IL1RAP: variants seen among roughly 807,000 people sequenced by gnomAD.
IL1RAP encodes interleukin 1 receptor accessory protein.
A neutral mutation model predicts 60.7 loss-of-function variants in IL1RAP; 35 were observed. The ratio of observed to expected loss-of-function variants is 0.58; its 90% confidence interval spans 0.44 to 0.76. IL1RAP has a LOEUF of 0.76. Among genes scored for constraint, IL1RAP ranks in the 30% least tolerant of loss-of-function variants. The pLI is 0.00. For synonymous variants in IL1RAP, 268 were observed against 250.9 expected (o/e 1.07, Z -0.64); for missense variants, 572 against 693.9 (o/e 0.82, Z 1.97).
rs144527768 is a variant in IL1RAP at position 190,641,609 on chromosome 3, T to C, written c.1052-2639T>C. On this transcript the variant is annotated intron_variant, in intron 9 of 11. Transcript: ENST00000447382. ...CCATTAGAAATAAAATGGGCAGTAG[T>C]AAAATGAATGAGGCAGGGGAAATTT... 4.6e-3 allele frequency among the ~76,000 whole-genome samples: 695 copies of C among 152,230 alleles called. 5 individuals are homozygous for C. The highest frequency in any genetic ancestry group is 0.015 in the African/African-American group (643 of 41,542).
At chr3:190,658,940 C>T (rs1438340390) in exon 12 of IL1RAP, 1 of 152,150 alleles carries the variant, frequency 6.6e-6, no homozygotes, top group Non-Finnish European at 1.5e-5. Context: ...ACCCAAAGGC[C>T]TTGTCCTCTA....
chr3:190,572,859 G>GTTTTT (rs1200775636), intron 3 of IL1RAP, among the ~76,000 whole-genome samples: 6,289 of 38,870 alleles, frequency 0.16, 2,160 homozygotes, highest in East Asian at 0.24. Context: ...TTAATGCTTT[G>GTTTTT]TTTTTTTTTT....
At chr3:190,515,182 G>A (rs1402279190) in intron 1 of IL1RAP, among the ~76,000 whole-genome samples, 1 of 151,710 alleles carries the variant, frequency 6.6e-6, no homozygotes, top group African/African-American at 2.4e-5. Flanking sequence ...GTGAACTTGG[G>A]CAAGTTATCT....
chr3:190,581,961 G>C (rs1728033947), intron 3 of IL1RAP, among the ~76,000 whole-genome samples: 1 of 152,130 alleles, frequency 6.6e-6, no homozygotes, highest in Non-Finnish European at 1.5e-5. Flanking sequence ...GAAAAGCAAA[G>C]TGGAGGTCAA....
chr3:190,551,073 A>T (rs1724819570), intron 1 of IL1RAP, among the ~76,000 whole-genome samples: 1 of 152,176 alleles, frequency 6.6e-6, no homozygotes, highest in South Asian at 2.1e-4. Context: ...TCAAATACCT[A>T]TGAGTTGGGT....
intron 1 of IL1RAP, among the ~76,000 whole-genome samples, chr3:190,516,051 T>G (rs1203496428): frequency 6.6e-6 from 1 of 152,198 alleles, no homozygotes; most frequent in Non-Finnish European, 1.5e-5. Context: ...CATGCAATAA[T>G]TTACTACTAT....
downstream of IL1RAP, chr3:190,656,178 C>T (rs1734613499): frequency 2.6e-6 from 4 of 1,537,140 alleles, no homozygotes; most frequent in Admixed American, 2.0e-5. Flanking sequence ...TGGCTCTTCC[C>T]CTGAGAAGTC....
exon 12 of IL1RAP, chr3:190,659,599 C>T (rs1217218477): frequency 6.6e-6 from 1 of 152,102 alleles, no homozygotes; most frequent in Admixed American, 6.5e-5. Flanking sequence ...ATGGATATAT[C>T]ATTGCATAAG....
intron 1 of IL1RAP, among the ~76,000 whole-genome samples, chr3:190,540,518 T>C (rs1344074975): frequency 6.6e-6 from 1 of 152,114 alleles, no homozygotes; most frequent in African/African-American, 2.4e-5. Flanking sequence ...ACTTATTCAT[T>C]ATTTTAAACT....
At chr3:190,595,950 A>C (rs1729344156) in intron 3 of IL1RAP, among the ~76,000 whole-genome samples, 1 of 152,196 alleles carries the variant, frequency 6.6e-6, no homozygotes, top group Admixed American at 6.5e-5. Flanking sequence ...GGTTCAGCTA[A>C]TACGTACTGA....
intron 1 of IL1RAP, among the ~76,000 whole-genome samples, chr3:190,522,134 G>A (rs1560135299): frequency 6.6e-6 from 1 of 152,078 alleles, no homozygotes; most frequent in Non-Finnish European, 1.5e-5. Context: ...TGAGACAGTG[G>A]TGGGGGCAGC....
At chr3:190,615,933 T>C (rs895990101) in intron 5 of IL1RAP, among the ~76,000 whole-genome samples, 1 of 152,220 alleles carries the variant, frequency 6.6e-6, no homozygotes, top group Admixed American at 6.5e-5. Context: ...ACAACATAGA[T>C]TGGTTCTTTA....
intron 1 of IL1RAP, among the ~76,000 whole-genome samples, chr3:190,521,287 A>G (rs576574218): frequency 2.0e-5 from 3 of 152,190 alleles, no homozygotes; most frequent in East Asian, 1.9e-4. Flanking sequence ...ATGCAAATGT[A>G]TACACATGTA....
chr3:190,656,596 T>C (rs1311991785), exon 12 of IL1RAP: 3 of 1,516,252 alleles, frequency 2.0e-6, no homozygotes, highest in South Asian at 2.5e-5. Context: ...CAACGACTTT[T>C]ATATCCTATA....
At chr3:190,608,615 G>A (rs927490938) in intron 4 of IL1RAP, among the ~76,000 whole-genome samples, 7 of 151,990 alleles carry the variant, frequency 4.6e-5, no homozygotes, top group Non-Finnish European at 1.0e-4. Flanking sequence ...TTACAATGAC[G>A]ATTACATCAA....
intron 1 of IL1RAP, among the ~76,000 whole-genome samples, chr3:190,522,319 TTC>T (rs1460463636): frequency 4.0e-5 from 6 of 150,140 alleles, no homozygotes; most frequent in African/African-American, 1.5e-4. Context: ...CCTTCCTTCC[TTC>T]CTTCCTTCCT....
chr3:190,628,850 A>G (rs971799894), intron 8 of IL1RAP, among the ~76,000 whole-genome samples: 2 of 152,208 alleles, frequency 1.3e-5, no homozygotes, highest in African/African-American at 4.8e-5. Flanking sequence ...TAGCATATTC[A>G]GTCCTCAGAA....
exon 12 of IL1RAP, chr3:190,656,947 T>C (rs1008331295): frequency 2.7e-5 from 5 of 184,200 alleles, no homozygotes; most frequent in Admixed American, 2.2e-4. Flanking sequence ...AACCTCACAT[T>C]ATAAGTCAGT....
intron 1 of IL1RAP, among the ~76,000 whole-genome samples, chr3:190,545,221 C>T (rs184158006): frequency 2.6e-4 from 40 of 152,186 alleles, no homozygotes; most frequent in Non-Finnish European, 3.7e-4. Flanking sequence ...TGTAGAATGC[C>T]GATGTTGCTG....
Sources: gnomAD v4.1 joint callset for allele counts (sites outside exome capture counted in the v4.1 genomes callset) on GRCh38, gnomAD v4.1.1 for gene constraint, MANE v1.5 for transcripts, NCBI Gene and HGNC (gene_info 2026-07-23, HGNC 2026-07-21) for gene names.